PRICKLE2: variants seen among roughly 807,000 people sequenced by gnomAD.
PRICKLE2 encodes prickle-like protein 2.
In PRICKLE2, 21 loss-of-function variants were observed where a neutral mutation model predicts 81.4. The observed-to-expected ratio is 0.26, with a 90% CI of 0.18 to 0.37. The LOEUF (loss-of-function observed/expected upper bound fraction) is 0.37. PRICKLE2 is among the 10% of genes least tolerant of loss of function. The pLI is 1.00. For synonymous variants in PRICKLE2, 456 were observed against 421.5 expected (o/e 1.08, Z -1.00); for missense variants, 940 against 1,109.0 (o/e 0.85, Z 2.16).
rs2076604482 is a variant in PRICKLE2 at position 64,098,687 on chromosome 3, A to G, written c.*364T>C. 3.8e-6 allele frequency: 1 copy of G among 260,422 alleles called. No individual in the cohort carries two copies. Among genetic ancestry groups the G allele is most frequent in the Non-Finnish European group, 7.5e-6 (1 of 133,962 alleles). 16.1% of individuals were successfully genotyped at this position (260,422 alleles called of 1,614,324 possible). A position where few individuals can be genotyped will look rare whatever the true frequency, so the allele number is the denominator to read the frequency against. On this transcript the variant is annotated 3_prime_UTR_variant, in exon 8 of 8. Coordinates refer to ENST00000638394, the MANE Select transcript of PRICKLE2 (RefSeq NM_198859.4). The stretch of plus-strand genomic sequence containing the variant: ...GTCTTGGGTCCTGGCTAATAAACAA[A>G]TTACTTACTGAAAAAAGGGTCCTAA...
chr3:64,161,023 C>T (rs1245719793), intron 3 of PRICKLE2, among the ~76,000 whole-genome samples: 1 of 152,086 alleles, frequency 6.6e-6, no homozygotes, highest in Non-Finnish European at 1.5e-5. Context: ...GGGAACAGAA[C>T]CATGTTGTTA....
chr3:64,135,159 G>A (rs758099307), intron 7 of PRICKLE2, among the ~76,000 whole-genome samples: 13 of 152,312 alleles, frequency 8.5e-5, no homozygotes, highest in Admixed American at 5.2e-4. Flanking sequence ...GCAAGAATAT[G>A]CAAGAATCCC....
At chr3:64,254,098 CAG>C (rs1481201314) in intron 2 of PRICKLE2, among the ~76,000 whole-genome samples, 4 of 152,188 alleles carry the variant, frequency 2.6e-5, no homozygotes, top group Non-Finnish European at 2.9e-5. Context: ...CTGCATTCTC[CAG>C]AGTGTTCTAA....
At chr3:64,156,383 A>T (rs796869561) in intron 5 of PRICKLE2, among the ~76,000 whole-genome samples, 23 of 152,362 alleles carry the variant, frequency 1.5e-4, no homozygotes, top group African/African-American at 5.3e-4. Flanking sequence ...TTTACAGAGA[A>T]AGATAGATGC....
chr3:64,150,205 C>T (rs754334253), intron 6 of PRICKLE2, among the ~76,000 whole-genome samples: 2 of 152,044 alleles, frequency 1.3e-5, no homozygotes, highest in African/African-American at 2.4e-5. Context: ...AGGTTCAAAT[C>T]CCAGCTCCAT....
intron 1 of PRICKLE2, among the ~76,000 whole-genome samples, chr3:64,207,168 G>C (rs1016236911): frequency 6.6e-6 from 1 of 152,098 alleles, no homozygotes; most frequent in Non-Finnish European, 1.5e-5. Context: ...CCAAAGTGCT[G>C]GGATTACAGG....
chr3:64,173,665 G>A (rs2077971956), intron 2 of PRICKLE2, among the ~76,000 whole-genome samples: 1 of 152,128 alleles, frequency 6.6e-6, no homozygotes, highest in African/African-American at 2.4e-5. Flanking sequence ...AGCAGTAGAA[G>A]AGCTGTAAAT....
upstream of PRICKLE2, among the ~76,000 whole-genome samples, chr3:64,230,155 T>C (rs141764443): frequency 8.2e-3 from 1,245 of 152,280 alleles, 36 homozygotes; most frequent in Admixed American, 0.061. Flanking sequence ...ACTAGTCTCA[T>C]GACCTCACCC....
At chr3:64,124,692 G>C (rs2077081151) in intron 7 of PRICKLE2, among the ~76,000 whole-genome samples, 1 of 152,176 alleles carries the variant, frequency 6.6e-6, no homozygotes, top group Admixed American at 6.5e-5. Flanking sequence ...CAGCAAATAA[G>C]CTTATAGCAT....
chr3:64,162,533 G>A (rs1430381667), intron 3 of PRICKLE2, among the ~76,000 whole-genome samples: 6 of 152,172 alleles, frequency 3.9e-5, no homozygotes, highest in African/African-American at 7.2e-5. Context: ...ACAGACGTTC[G>A]AAGCTACAAA....
In PRICKLE2 at chr3:64,234,982, CTT is replaced by C. The variant is rs556201040; in HGVS notation, c.129-36017_129-36016del. On this transcript the variant is annotated intron_variant, in intron 2 of 8. Coordinates refer to the PRICKLE2 transcript ENST00000295902. The stretch of plus-strand genomic sequence containing the variant: ...ATTTTTTCAGCTTTTTCTCTCTCCT[CTT>C]TTACTTGTCCCAGTAAGCATATGTA... Among the ~76,000 whole-genome samples the C allele has an allele frequency of 1.3e-3, 196 of 152,274 alleles. 1 individual carries two copies. The highest frequency in any genetic ancestry group is 1.0e-3 in the Non-Finnish European group (70 of 68,014).
At chr3:64,160,860 TACTG>T (rs2077721574) in intron 3 of PRICKLE2, among the ~76,000 whole-genome samples, 1 of 152,220 alleles carries the variant, frequency 6.6e-6, no homozygotes, top group South Asian at 2.1e-4. Flanking sequence ...CTGTTTTTAA[TACTG>T]ACTCAGTTTT....
intron 1 of PRICKLE2, among the ~76,000 whole-genome samples, chr3:64,223,223 A>C (rs2078983092): frequency 6.6e-6 from 1 of 152,224 alleles, no homozygotes. Context: ...CAACAACAAT[A>C]GCAGCTAATA....
At position 64,147,968 on chromosome 3, in the gene PRICKLE2, G is replaced by C. The variant is rs926061526; in HGVS notation, c.788-266C>G. ...CTTGTCTATGAATCCTTCTGCCTGG[G>C]ACACATTTCCCCCTGACAAATAGCA... On this transcript the variant is annotated intron_variant, in intron 6 of 7. Transcript: ENST00000638394. This position sits in a 1 kb window ranked among gnomAD's most constrained non-coding sequence, Gnocchi z 5.0. Among the ~76,000 whole-genome samples the C allele has an allele frequency of 4.6e-5, 7 of 152,182 alleles. No homozygotes were observed. Among genetic ancestry groups the C allele is most frequent in the Non-Finnish European group, 8.8e-5 (6 of 68,036 alleles).
chr3:64,117,024 T>C (rs750054340), intron 7 of PRICKLE2, among the ~76,000 whole-genome samples: 2 of 152,160 alleles, frequency 1.3e-5, no homozygotes, highest in Non-Finnish European at 2.9e-5. Flanking sequence ...TTATTTATCC[T>C]TGGGAACAAG....
intron 7 of PRICKLE2, among the ~76,000 whole-genome samples, chr3:64,141,222 A>G (rs1284488723): frequency 6.6e-6 from 1 of 152,246 alleles, no homozygotes; most frequent in Non-Finnish European, 1.5e-5. Flanking sequence ...CATCAGCCAT[A>G]GCACAGTGTT....
intron 7 of PRICKLE2, among the ~76,000 whole-genome samples, chr3:64,131,223 G>C (rs1173210827): frequency 6.6e-6 from 1 of 152,200 alleles, no homozygotes; most frequent in Middle Eastern, 3.2e-3. Context: ...TATTCCATAT[G>C]ATTTCCCCCC....
intron 7 of PRICKLE2, among the ~76,000 whole-genome samples, chr3:64,136,921 T>G (rs2077288431): frequency 1.3e-5 from 2 of 152,204 alleles, no homozygotes; most frequent in Admixed American, 1.3e-4. Flanking sequence ...AATTGAATAT[T>G]AATGCAGTCA....
chr3:64,106,605 C>T (rs759415669), intron 7 of PRICKLE2, among the ~76,000 whole-genome samples: 19 of 152,236 alleles, frequency 1.2e-4, no homozygotes, highest in African/African-American at 3.9e-4. Flanking sequence ...TCTACACAGA[C>T]GAAGCTCAAC....
Sources: allele counts gnomAD v4.1 joint callset (sites outside exome capture counted in the v4.1 genomes callset), GRCh38; gene constraint gnomAD v4.1.1; non-coding constraint Gnocchi (gnomAD v3.1); transcripts MANE v1.5; gene names NCBI Gene and HGNC (gene_info 2026-07-23, HGNC 2026-07-21).